The following COL14A1 variants were observed in gnomAD, a reference collection of about 807,000 sequenced individuals.
The protein encoded by COL14A1 is collagen type XIV alpha 1 chain, also known as collagen alpha-1(XIV) chain.
COL14A1 carries 136 observed loss-of-function variants against 230.3 expected under a neutral mutation model. The observed-to-expected ratio is 0.59, with a 90% confidence interval of 0.51 to 0.68. The LOEUF is 0.68. Among genes scored for constraint, COL14A1 ranks in the 30% least tolerant of loss-of-function variants. COL14A1 has a pLI of 0.00. For synonymous variants in COL14A1, 792 were observed against 784.1 expected (o/e 1.01, Z -0.17); for missense variants, 1,976 against 2,215.8 (o/e 0.89, Z 2.17).
At chr8:120,269,803 A>G (rs1819604677) in intron 25 of COL14A1, among the ~76,000 whole-genome samples, 1 of 151,642 alleles carries the variant, frequency 6.6e-6, no homozygotes, top group Admixed American at 6.6e-5. Context: ...CTCTATTTCC[A>G]CACGGATAAT....
At chr8:120,250,591 TA>T in intron 21 of COL14A1, 25 bp from the exon 22 acceptor site, 1 of 1,612,692 alleles carries the variant, frequency 6.2e-7, no homozygotes. Flanking sequence ...TTGTTGTAAC[TA>T]AAATATATCC....
rs575436071 is a variant in COL14A1 at position 120,340,490 on chromosome 8, A to G, written c.4786-835A>G. Among the ~76,000 whole-genome samples, 4 of 152,342 alleles carry G rather than the reference A, an allele frequency of 2.6e-5. No homozygotes were observed. The East Asian group carries it at 7.7e-4, about 29-fold the overall frequency. ...AATAACAACTGGAAACAGTCTGACAACGTGGCAAATTCCATTAATGAATTC... is the reference window on the plus strand; with the variant it reads ...AATAACAACTGGAAACAGTCTGACAGCGTGGCAAATTCCATTAATGAATTC... On this transcript the variant is annotated intron_variant, in intron 42 of 47. Transcript: ENST00000297848.
intron 3 of COL14A1, among the ~76,000 whole-genome samples, chr8:120,160,448 C>CT (rs1324731884): frequency 6.6e-6 from 1 of 152,152 alleles, no homozygotes; most frequent in African/African-American, 2.4e-5. Flanking sequence ...GTAGAAGTGA[C>CT]TTGGGTAGCC....
chr8:120,354,995 G>T (rs1385798843), intron 45 of COL14A1, among the ~76,000 whole-genome samples: 1 of 152,142 alleles, frequency 6.6e-6, no homozygotes, highest in Non-Finnish European at 1.5e-5. Context: ...AAATGGTTCT[G>T]TATAACCTGG....
intron 2 of COL14A1, among the ~76,000 whole-genome samples, chr8:120,152,401 C>T (rs372573032): frequency 1.6e-5 from 2 of 128,706 alleles, no homozygotes; most frequent in Admixed American, 9.9e-5. Context: ...ACCTGGGAGG[C>T]GGAGCTTGCA....
intron 45 of COL14A1, 92 bp from the exon 46 acceptor site, chr8:120,367,079 C>A (rs114043764): frequency 1.0e-6 from 1 of 995,596 alleles, no homozygotes; most frequent in Non-Finnish European, 1.5e-6. Flanking sequence ...TTGTCTTCAT[C>A]AGAGAAGCAC....
chr8:120,332,277 T>C, intron 41 of COL14A1, 83 bp downstream of exon 41: 4 of 1,322,242 alleles, frequency 3.0e-6, no homozygotes, highest in Non-Finnish European at 4.3e-6. Flanking sequence ...TGCCAGATCT[T>C]TTACCAGCAG....
chr8:120,325,668 T>C (rs1821638283), intron 40 of COL14A1, among the ~76,000 whole-genome samples: 1 of 152,158 alleles, frequency 6.6e-6, no homozygotes, highest in South Asian at 2.1e-4. Context: ...AGTTTTTGTA[T>C]TTTTAGTAGA....
At chr8:120,309,611 T>C (rs1820963044) in intron 36 of COL14A1, among the ~76,000 whole-genome samples, 2 of 152,202 alleles carry the variant, frequency 1.3e-5, no homozygotes, top group African/African-American at 4.8e-5. Context: ...GTTGCTACTT[T>C]CATGTGCTTT....
At chr8:120,340,091 T>C (rs185439524) in intron 42 of COL14A1, among the ~76,000 whole-genome samples, 258 of 134,178 alleles carry the variant, frequency 1.9e-3, no homozygotes, top group Middle Eastern at 7.5e-3. Flanking sequence ...GTATGTGGTG[T>C]ATGTTTGTGA....
At chr8:120,176,203 C>T (rs1816278364) in intron 5 of COL14A1, among the ~76,000 whole-genome samples, 1 of 152,258 alleles carries the variant, frequency 6.6e-6, no homozygotes, top group South Asian at 2.1e-4. Context: ...ATAATGAATA[C>T]ATAGAAGAGC....
At chr8:120,370,940 TCTA>T in intron 47 of COL14A1, 1 of 1,135,544 alleles carries the variant, frequency 8.8e-7, no homozygotes, top group Non-Finnish European at 1.2e-6. Flanking sequence ...ATTCTAGTTT[TCTA>T]ACAATTTCTG....
chr8:120,233,143 G>A (rs911384852), intron 19 of COL14A1, among the ~76,000 whole-genome samples: 3 of 151,410 alleles, frequency 2.0e-5, no homozygotes, highest in African/African-American at 7.3e-5. Flanking sequence ...ATTGGTTTAA[G>A]TTCCTTGTAG....
intron 8 of COL14A1, among the ~76,000 whole-genome samples, chr8:120,202,197 A>G (rs1361242397): frequency 6.6e-6 from 1 of 152,190 alleles, no homozygotes; most frequent in Non-Finnish European, 1.5e-5. Context: ...TGCTCTTGTT[A>G]ATGATGAATA....
intron 4 of COL14A1, among the ~76,000 whole-genome samples, chr8:120,163,891 A>C (rs1815775625): frequency 1.3e-5 from 2 of 152,050 alleles, no homozygotes; most frequent in African/African-American, 4.8e-5. Context: ...ACTAAGTGCC[A>C]GACTGTTTTC....
chr8:120,345,602 T>C, intron 45 of COL14A1, 39 bp downstream of exon 45: 1 of 1,458,802 alleles, frequency 6.9e-7, no homozygotes, highest in African/African-American at 1.5e-5. Context: ...CTCCTCTGAG[T>C]TGGGTGCAGG....
chr8:120,235,505 C>G (rs1818414055), intron 19 of COL14A1, among the ~76,000 whole-genome samples: 1 of 152,092 alleles, frequency 6.6e-6, no homozygotes, highest in Non-Finnish European at 1.5e-5. Context: ...ATTCTTCTCT[C>G]TTTTCTTCTT....
rs551102436 is a variant in COL14A1, at chr8:120,294,595, C to T, written c.4237-2916C>T. Among the ~76,000 whole-genome samples, 928 of 151,592 alleles carry T rather than the reference C, an allele frequency of 6.1e-3. 11 individuals are homozygous for T. The highest frequency in any genetic ancestry group is 0.021 in the African/African-American group (869 of 41,480). ...ATTTTAAGGTACTCAAATATGAGATCTTTGACATACCACCTTGTACTGTCT... is the reference window on the plus strand; with the variant it reads ...ATTTTAAGGTACTCAAATATGAGATTTTTGACATACCACCTTGTACTGTCT... On this transcript the variant is annotated intron_variant, in intron 34 of 47. Transcript: ENST00000297848.
At chr8:120,144,899 A>G (rs1815035693) in intron 1 of COL14A1, among the ~76,000 whole-genome samples, 1 of 152,142 alleles carries the variant, frequency 6.6e-6, no homozygotes, top group Non-Finnish European at 1.5e-5. Context: ...TACCCATGAC[A>G]CTGAATTAGA....
Sources: gnomAD v4.1 joint callset for allele counts (sites outside exome capture counted in the v4.1 genomes callset) on GRCh38, gnomAD v4.1.1 for gene constraint, MANE v1.5 for transcripts, NCBI Gene and HGNC (gene_info 2026-07-23, HGNC 2026-07-21) for gene names.